The following DCDC1 variants were observed in gnomAD, a reference collection of about 807,000 sequenced individuals.
DCDC1 encodes the protein doublecortin domain-containing protein 1.
A neutral mutation model predicts 178.3 loss-of-function variants in DCDC1; 200 were observed. That is an observed-to-expected ratio of 1.12 (90% CI 1.00 to 1.26). The LOEUF (loss-of-function observed/expected upper bound fraction) is 1.26. Ranked by LOEUF, DCDC1 falls within the 50% of genes most tolerant of loss-of-function variation. DCDC1 has a pLI of 0.00. For synonymous variants in DCDC1, 690 were observed against 604.8 expected (o/e 1.14, Z -2.07); for missense variants, 1,983 against 1,749.2 (o/e 1.13, Z -2.38).
At chr11:31,152,123 G>T (rs1462569887) in intron 9 of DCDC1, among the ~76,000 whole-genome samples, 7 of 151,968 alleles carry the variant, frequency 4.6e-5, no homozygotes, top group Admixed American at 4.6e-4. Flanking sequence ...ATTCAACCTG[G>T]TTCAATTTTT....
chr11:31,293,690 T>C (rs544810927), intron 6 of DCDC1, among the ~76,000 whole-genome samples: 1 of 152,208 alleles, frequency 6.6e-6, no homozygotes, highest in Non-Finnish European at 1.5e-5. Flanking sequence ...TACTACCTTA[T>C]TTATCTCTCT....
chr11:31,301,461 G>A (rs1305531053), intron 6 of DCDC1, among the ~76,000 whole-genome samples: 3 of 152,204 alleles, frequency 2.0e-5, no homozygotes, highest in Middle Eastern at 3.4e-3. Flanking sequence ...GAAATATTAA[G>A]GTATGATGTG....
intron 38 of DCDC1, among the ~76,000 whole-genome samples, chr11:30,875,442 A>T (rs772812408): frequency 1.3e-5 from 2 of 152,122 alleles, no homozygotes; most frequent in Non-Finnish European, 2.9e-5. Context: ...GGACATTTGC[A>T]TCTGATTTTG....
intron 21 of DCDC1, among the ~76,000 whole-genome samples, chr11:30,951,000 G>C (rs1051665170): frequency 2.0e-5 from 3 of 151,892 alleles, no homozygotes; most frequent in African/African-American, 7.2e-5. Context: ...AATACAACGT[G>C]TCCATAATAA....
intron 7 of DCDC1, among the ~76,000 whole-genome samples, chr11:31,289,450 C>T (rs1947065154): frequency 6.6e-6 from 1 of 151,908 alleles, no homozygotes; most frequent in Non-Finnish European, 1.5e-5. Context: ...TTTCCCAGCT[C>T]CTTGGTAAAT....
At chr11:31,156,089 T>C (rs1965692518) in intron 9 of DCDC1, 1 of 152,130 alleles carries the variant, frequency 6.6e-6, no homozygotes, top group Non-Finnish European at 1.5e-5. Flanking sequence ...TAGTAAATAC[T>C]TTTTAGGCTT....
intron 1 of DCDC1, among the ~76,000 whole-genome samples, chr11:31,358,659 A>T (rs1951530839): frequency 6.6e-6 from 1 of 152,134 alleles, no homozygotes; most frequent in Admixed American, 6.5e-5. Flanking sequence ...GCAACCTACA[A>T]AATGGGACAA....
intron 20 of DCDC1, among the ~76,000 whole-genome samples, chr11:31,010,725 T>C (rs1952121251): frequency 1.3e-5 from 2 of 152,196 alleles, no homozygotes; most frequent in South Asian, 4.1e-4. Flanking sequence ...GTGAAAAATG[T>C]TTTTAATGAG....
rs77874785 is a variant in DCDC1, at chr11:30,906,344, T to C, written c.4104+196A>G. The C allele has an allele frequency of 6.8e-3, 3,673 of 538,466 alleles. 110 individuals carry two copies. The highest frequency in any genetic ancestry group is 0.062 in the African/African-American group (3,307 of 53,342). 33.4% of individuals were successfully genotyped at this position (538,466 alleles called of 1,614,324 possible). On this transcript the variant is annotated intron_variant, in intron 30 of 38. Transcript: ENST00000684477. The stretch of plus-strand genomic sequence containing the variant: ...GCCCAATTAACTTCAAAGAGTCTAT[T>C]GAACTATTAATAGACAATGCATTTT...
chr11:31,217,410 A>T (rs940336247), intron 9 of DCDC1, among the ~76,000 whole-genome samples: 9 of 152,314 alleles, frequency 5.9e-5, no homozygotes, highest in African/African-American at 2.2e-4. Flanking sequence ...ACTCCGGTCG[A>T]TTTTGAAAAG....
intron 22 of DCDC1, among the ~76,000 whole-genome samples, chr11:30,928,438 AAT>A (rs1343623310): frequency 2.6e-5 from 4 of 151,726 alleles, no homozygotes; most frequent in African/African-American, 7.3e-5. Context: ...TAATAGGTAA[AAT>A]ATAAAAATTT....
At chr11:31,325,298 A>G (rs1386996916) in intron 3 of DCDC1, among the ~76,000 whole-genome samples, 1 of 152,148 alleles carries the variant, frequency 6.6e-6, no homozygotes, top group East Asian at 1.9e-4. Flanking sequence ...CTATTGCCCA[A>G]TTCTGGGTCA....
At chr11:30,866,999 A>G (rs1267161961) in intron 38 of DCDC1, among the ~76,000 whole-genome samples, 1 of 152,148 alleles carries the variant, frequency 6.6e-6, no homozygotes, top group Non-Finnish European at 1.5e-5. Flanking sequence ...CAGTGCCTTG[A>G]TTGTGATCTT....
At chr11:31,135,858 A>C (rs1963064635) in intron 10 of DCDC1, among the ~76,000 whole-genome samples, 1 of 152,158 alleles carries the variant, frequency 6.6e-6, no homozygotes. Context: ...TCCAGAAAAG[A>C]TAATTTTCAT....
chr11:31,008,240 T>G (rs1951970215), intron 20 of DCDC1, among the ~76,000 whole-genome samples: 1 of 151,958 alleles, frequency 6.6e-6, no homozygotes, highest in African/African-American at 2.4e-5. Flanking sequence ...TAGGAAGGAA[T>G]AATAGAAGGA....
chr11:31,051,116 AATAG>A (rs1955218691), intron 20 of DCDC1, among the ~76,000 whole-genome samples: 1 of 152,206 alleles, frequency 6.6e-6, no homozygotes, highest in South Asian at 2.1e-4. Flanking sequence ...TATTCATGGA[AATAG>A]ATAGCTTAAA....
intron 11 of DCDC1, among the ~76,000 whole-genome samples, chr11:31,123,787 G>C (rs557756217): frequency 2.6e-5 from 4 of 152,020 alleles, no homozygotes; most frequent in Non-Finnish European, 5.9e-5. Flanking sequence ...AAGAATTCTG[G>C]AGAAAAGACC....
chr11:31,237,337 G>C (rs1976582607), intron 9 of DCDC1, among the ~76,000 whole-genome samples: 2 of 151,832 alleles, frequency 1.3e-5, no homozygotes, highest in Admixed American at 6.6e-5. Flanking sequence ...CAAATAATAT[G>C]CCCACAAAAT....
chr11:31,294,970 A>G (rs1378564455), intron 6 of DCDC1, among the ~76,000 whole-genome samples: 1 of 152,116 alleles, frequency 6.6e-6, no homozygotes, highest in African/African-American at 2.4e-5. Flanking sequence ...TCCGGATGTG[A>G]TGGGAAGCTG....
Sources: allele counts gnomAD v4.1 joint callset (sites outside exome capture counted in the v4.1 genomes callset), GRCh38; gene constraint gnomAD v4.1.1; transcripts MANE v1.5; gene names NCBI Gene and HGNC (gene_info 2026-07-23, HGNC 2026-07-21).